Variants in KCNA7 observed in about 807,000 individuals in gnomAD.
KCNA7 encodes the protein potassium channel, voltage gated shaker related subfamily A, member 7.
A neutral mutation model predicts 21.5 loss-of-function variants in KCNA7; 15 were observed. That is an observed-to-expected ratio of 0.70 (90% CI 0.47 to 1.07). KCNA7 has a LOEUF of 1.07. Ranked by LOEUF, KCNA7 falls within the 50% of genes least tolerant of loss-of-function variation. The pLI is 0.00. For missense variants in KCNA7, 640 were observed against 651.6 expected (o/e 0.98, Z 0.19); for synonymous variants, 298 against 291.0 (o/e 1.02, Z -0.24).
rs1279480331 is a variant in KCNA7, at chr19:49,072,039, C to T, written c.547G>A (p.Ala183Thr). ...CACGCCCCGCCTCTCACCGGGCCGG[C>T]TGCGGCTGCAGCAGCAAGCCCCGTG... ...DGTGLAAAAA[A>T]GPFPAPLNGS... Residue 183 changes from alanine to threonine, a missense_variant, in exon 1 of 2, where the codon GCC (alanine) becomes ACC (threonine). Physicochemically the swap from Ala to Thr is moderately conservative, Grantham distance 58. Coordinates refer to ENST00000221444, the MANE Select transcript of KCNA7 (RefSeq NM_031886.3). 2 of 1,600,240 alleles carry T rather than the reference C, an allele frequency of 1.2e-6. No individual in the cohort carries two copies. Among genetic ancestry groups the T allele is most frequent in the Admixed American group, 1.7e-5 (1 of 58,974 alleles).
Position 49,069,827 on chromosome 19 carries a change from T to A in KCNA7, c.*236A>T, listed in dbSNP as rs906799198. The A allele has an allele frequency of 1.8e-6, 1 of 541,288 alleles. No homozygotes were observed. Among genetic ancestry groups the A allele is most frequent in the Non-Finnish European group, 3.3e-6 (1 of 304,526 alleles). 33.5% of individuals were successfully genotyped at this position (541,288 alleles called of 1,614,324 possible). The stretch of plus-strand genomic sequence containing the variant: ...CACAACTCAGAGTAATATGAACCAA[T>A]TGAGTCTTCATTAACACAACACAAC... On this transcript the variant is annotated 3_prime_UTR_variant, in exon 2 of 2. Transcript: ENST00000221444.
rs4802548 is a variant in KCNA7 at position 49,071,792 on chromosome 19, C to A, written c.555+239G>T. Reference sequence around the variant, plus strand: ...GATTTTTAAGGTTCCTGTCCTCCTACCCCTTGCATCAAGGGCCCTGCCCTC... The same window carrying A: ...GATTTTTAAGGTTCCTGTCCTCCTAACCCTTGCATCAAGGGCCCTGCCCTC... On this transcript the variant is annotated intron_variant, in intron 1 of 1. Coordinates refer to ENST00000221444, the MANE Select transcript of KCNA7 (RefSeq NM_031886.3). Among the ~76,000 whole-genome samples the A allele has an allele frequency of 0.14, 21,995 of 152,078 alleles. 1,995 individuals are homozygous for A. The highest frequency in any genetic ancestry group is 0.25 in the African/African-American group (10,294 of 41,440).
intron 1 of KCNA7, among the ~76,000 whole-genome samples, chr19:49,071,643 A>G (rs768991630): frequency 1.3e-5 from 2 of 151,234 alleles, no homozygotes; most frequent in Non-Finnish European, 2.9e-5. Context: ...CTTTCCATAG[A>G]TTCCTCCTAC....
In KCNA7 at chr19:49,072,654, C is replaced by A; in HGVS notation, c.-69G>T. 1 of 935,424 alleles carries A rather than the reference C, an allele frequency of 1.1e-6. No individual in the cohort carries two copies. The highest frequency in any genetic ancestry group is 1.3e-6 in the Non-Finnish European group (1 of 785,456). The allele number at this position is 935,424 out of a possible 1,614,324, so 57.9% of individuals were successfully genotyped here. ...GACGCCCGGCCCCGGTGCGGCCCCG[C>A]CTCGGCCGCCTCGGCCGCCGCCGCC... On this transcript the variant is annotated 5_prime_UTR_variant, in exon 1 of 2. Transcript: ENST00000221444.
Position 49,072,180 on chromosome 19 carries a change from G to A in KCNA7, c.406C>T (p.Pro136Ser). Residue 136 changes from proline (P) to serine (S), a missense_variant, in exon 1 of 2, where the codon CCC becomes TCC. Coordinates refer to ENST00000221444, the MANE Select transcript of KCNA7 (RefSeq NM_031886.3). ...ARQLWLLFEF[P>S]ESSQAARVLA... ...ACGCGCGCGGCCTGAGAGCTCTCGGGAAACTCGAAAAGCAGCCACAGCTGG... is the reference window on the plus strand; with the variant it reads ...ACGCGCGCGGCCTGAGAGCTCTCGGAAAACTCGAAAAGCAGCCACAGCTGG... 4 of 1,611,646 alleles carry A rather than the reference G, an allele frequency of 2.5e-6. No individual in the cohort carries two copies. Among genetic ancestry groups the A allele is most frequent in the Non-Finnish European group, 3.4e-6 (4 of 1,179,502 alleles).
At position 49,069,407 on chromosome 19, in the gene KCNA7, C is replaced by T. The variant is rs2040240648; in HGVS notation, c.*656G>A. The T allele has an allele frequency of 1.3e-5, 2 of 152,632 alleles. No homozygotes were observed. The highest frequency in any genetic ancestry group is 4.8e-5 in the African/African-American group (2 of 41,452). 9.5% of individuals were successfully genotyped at this position (152,632 alleles called of 1,614,324 possible). The stretch of plus-strand genomic sequence containing the variant: ...CTACACAGTTAAGCCCAACAGAACC[C>T]TACAAGATTCATTTGGTCATACAAA... On this transcript the variant is annotated 3_prime_UTR_variant, in exon 2 of 2. Transcript: ENST00000221444.
At position 49,072,061 on chromosome 19, in the gene KCNA7, C is replaced by T. The variant is rs748689298; in HGVS notation, c.525G>A (p.Thr175=). Residue 175 remains threonine (T), a synonymous_variant, in exon 1 of 2, where the codon ACG becomes ACA. Coordinates refer to ENST00000221444, the MANE Select transcript of KCNA7 (RefSeq NM_031886.3). ...LPDFRDDRDG[T]GLAAAAAAGP... ...CGGCTGCGGCTGCAGCAGCAAGCCC[C>T]GTGCCGTCGCGGTCGTCGCGGAAGT... The T allele has an allele frequency of 3.1e-6, 5 of 1,608,374 alleles. No individual in the cohort carries two copies. The South Asian group carries it at 3.3e-5, about 11-fold the overall frequency.
rs1003411955 is a variant in KCNA7 at position 49,070,378 on chromosome 19, C to T, written c.1056G>A (p.Ala352=). ...AGCCAACTGTAGTCATGGTGACTACCGCCCACCAGAAGGACTCAGGGATGC... is the reference window on the plus strand; with the variant it reads ...AGCCAACTGTAGTCATGGTGACTACTGCCCACCAGAAGGACTCAGGGATGC... ...FTSIPESFWW[A]VVTMTTVGYG... The change falls in exon 2 of 2, where the codon GCG becomes GCA. Residue 352 remains alanine (A), a synonymous_variant. Transcript: ENST00000221444. This position sits in a 1 kb window ranked among gnomAD's most constrained non-coding sequence, Gnocchi z 4.3. 8 of 1,614,078 alleles carry T rather than the reference C, an allele frequency of 5.0e-6. No homozygotes were observed. Among genetic ancestry groups the T allele is most frequent in the Admixed American group, 3.3e-5 (2 of 60,014 alleles).
In KCNA7 at chr19:49,067,839, T is replaced by C. The variant is rs1027578184; in HGVS notation, c.*2224A>G. ...GGTTCAGGATTGTTCTGTGATTCTA[T>C]GGAATAGACTGTACATCACTCTTGG... On this transcript the variant is annotated 3_prime_UTR_variant, in exon 2 of 2. Transcript: ENST00000221444. 1.3e-5 allele frequency: 2 copies of C among 152,170 alleles called. No individual in the cohort carries two copies. Among genetic ancestry groups the C allele is most frequent in the Admixed American group, 6.5e-5 (1 of 15,280 alleles). 9.4% of individuals were successfully genotyped at this position (152,170 alleles called of 1,614,324 possible).
chr19:49,071,004 C>G (rs1359841593), intron 1 of KCNA7, 126 bp from the exon 2 acceptor site: 3 of 767,930 alleles, frequency 3.9e-6, no homozygotes, highest in Non-Finnish European at 6.1e-6. Context: ...CAAGGCCCTC[C>G]GTGACCTGGT....
chr19:49,070,662 C>A lies in KCNA7; in HGVS notation c.772G>T (p.Gly258Cys), dbSNP rs1281699106. The part of the protein sequence containing the change: ...VAILPYFVAL[G>C]TELARQRGVG... ...CCTCGCTGCCGGGCCAGCTCGGTGC[C>A]CAGTGCCACAAAGTAGGGAAGGATA... The change falls in exon 2 of 2, where the codon GGC becomes TGC. Residue 258 changes from glycine to cysteine, a missense_variant. Physicochemically the swap from Gly to Cys is radical, Grantham distance 159. Transcript: ENST00000221444. The surrounding 1 kb of genome is among the most constrained non-coding windows in gnomAD (Gnocchi z 4.3). 1 of 1,614,166 alleles carries A rather than the reference C, an allele frequency of 6.2e-7. No individual in the cohort carries two copies. The highest frequency in any genetic ancestry group is 8.5e-7 in the Non-Finnish European group (1 of 1,180,044).
At chr19:49,071,682 G>T (rs960122790) in intron 1 of KCNA7, among the ~76,000 whole-genome samples, 2 of 152,048 alleles carry the variant, frequency 1.3e-5, no homozygotes, top group African/African-American at 4.8e-5. Context: ...AGCACCCTCA[G>T]CTGGAGTTAT....
rs2040243946 is a variant in KCNA7 at position 49,069,920 on chromosome 19, A to T, written c.*143T>A. 13 of 654,418 alleles carry T rather than the reference A, an allele frequency of 2.0e-5. No homozygotes were observed. The Admixed American group carries it at 3.5e-4, about 18-fold the overall frequency. 40.5% of individuals were successfully genotyped at this position (654,418 alleles called of 1,614,324 possible). A position where few individuals can be genotyped will look rare whatever the true frequency, so the allele number is the denominator to read the frequency against. Reference sequence around the variant, plus strand: ...TACCAAACCACACAACCCAAGACCCAACAAGACTCAGTGTTTCCCCACTCG... The same window carrying T: ...TACCAAACCACACAACCCAAGACCCTACAAGACTCAGTGTTTCCCCACTCG... On this transcript the variant is annotated 3_prime_UTR_variant, in exon 2 of 2. Coordinates refer to ENST00000221444, the MANE Select transcript of KCNA7 (RefSeq NM_031886.3).
At position 49,072,518 on chromosome 19, in the gene KCNA7, C is replaced by A; in HGVS notation, c.68G>T (p.Arg23Leu). The A allele has an allele frequency of 2.0e-6, 3 of 1,468,210 alleles. No homozygotes were observed. Among genetic ancestry groups the A allele is most frequent in the Non-Finnish European group, 2.7e-6 (3 of 1,119,324 alleles). The allele number at this position is 1,468,210 out of a possible 1,614,324, so 90.9% of individuals were successfully genotyped here. The stretch of plus-strand genomic sequence containing the variant: ...CAGCGTGCGCGCCCGCGTCTCGAAG[C>A]GCAGCCCGGCCACGTTGAGCACCAG... ...ERLVLNVAGL[R>L]FETRARTLGR... Residue 23 changes from arginine to leucine, a missense_variant, in exon 1 of 2, where the codon CGC (arginine) becomes CTC (leucine). By Grantham distance (102) the Arg-to-Leu change is moderately radical (BLOSUM62 -2). Transcript: ENST00000221444.
chr19:49,071,993 C>A (rs918883202), intron 1 of KCNA7, 38 bp downstream of exon 1: 1 of 1,509,634 alleles, frequency 6.6e-7, no homozygotes, highest in Non-Finnish European at 8.9e-7. Flanking sequence ...CATCTCCTCC[C>A]AAACCCCGCC....
intron 1 of KCNA7, among the ~76,000 whole-genome samples, chr19:49,071,382 C>A (rs2040256461): frequency 6.6e-6 from 1 of 151,998 alleles, no homozygotes; most frequent in South Asian, 2.1e-4. Flanking sequence ...ACGGTGAAAC[C>A]CCATCTCTAC....
At chr19:49,071,898 C>CGG in intron 1 of KCNA7, 133 bp downstream of exon 1, 2 of 561,262 alleles carry the variant, frequency 3.6e-6, no homozygotes, top group Non-Finnish European at 6.0e-6. Flanking sequence ...GGCCCCGCCT[C>CGG]CCGCCCACCC....
In KCNA7 at chr19:49,072,159, G is replaced by A; in HGVS notation, c.427C>T (p.Arg143Cys). Residue 143 changes from arginine to cysteine, a missense_variant, in exon 1 of 2, where the codon CGC becomes TGC. Transcript: ENST00000221444. ...AGCACGGAGACTACGGCGAGCACGC[G>A]CGCGGCCTGAGAGCTCTCGGGAAAC... ...FEFPESSQAARVLAVVSVLVI... is the reference protein window; with the variant it reads ...FEFPESSQAACVLAVVSVLVI... The A allele has an allele frequency of 6.2e-7, 1 of 1,612,196 alleles. No individual in the cohort carries two copies. Among genetic ancestry groups the A allele is most frequent in the Non-Finnish European group, 8.5e-7 (1 of 1,179,646 alleles).
chr19:49,072,052 A>C lies in KCNA7; in HGVS notation c.534T>G (p.Ala178=), dbSNP rs755825423. 2.4e-5 allele frequency: 38 copies of C among 1,606,328 alleles called. No individual in the cohort carries two copies. In the Admixed American group the frequency reaches 6.2e-4, roughly 26 times the overall value. Residue 178 remains alanine (A), a synonymous_variant, in exon 1 of 2, where the codon GCT becomes GCG. Coordinates refer to ENST00000221444, the MANE Select transcript of KCNA7 (RefSeq NM_031886.3). ...TCACCGGGCCGGCTGCGGCTGCAGCAGCAAGCCCCGTGCCGTCGCGGTCGT... is the reference window on the plus strand; with the variant it reads ...TCACCGGGCCGGCTGCGGCTGCAGCCGCAAGCCCCGTGCCGTCGCGGTCGT... The part of the protein sequence containing the change: ...FRDDRDGTGL[A]AAAAAGPFPA...
Sources: gnomAD v4.1 joint callset for allele counts (sites outside exome capture counted in the v4.1 genomes callset) on GRCh38, gnomAD v4.1.1 for gene constraint, Gnocchi (gnomAD v3.1) non-coding constraint, MANE v1.5 for transcripts, NCBI Gene and HGNC (gene_info 2026-07-23, HGNC 2026-07-21) for gene names.